PDCL2: variants seen among roughly 807,000 people sequenced by gnomAD.
PDCL2 encodes phosducin-like protein 2.
In PDCL2, 23 loss-of-function variants were observed where a neutral mutation model predicts 30.3. That is an observed-to-expected ratio of 0.76 (90% CI 0.55 to 1.08). PDCL2 has a LOEUF of 1.08. PDCL2 is among the 50% of genes least tolerant of loss of function. PDCL2 has a pLI of 0.00. For synonymous variants in PDCL2, 68 were observed against 86.2 expected (o/e 0.79, Z 1.17); for missense variants, 243 against 282.3 (o/e 0.86, Z 1.00).
chr4:55,557,192 C>T (rs1385299240), intron 5 of PDCL2, among the ~76,000 whole-genome samples: 1 of 152,206 alleles, frequency 6.6e-6, no homozygotes, highest in African/African-American at 2.4e-5. Flanking sequence ...TCAAAATACA[C>T]ATTGGATACA....
chr4:55,576,546 TG>T (rs1732573022), intron 3 of PDCL2, among the ~76,000 whole-genome samples: 1 of 152,226 alleles, frequency 6.6e-6, no homozygotes, highest in African/African-American at 2.4e-5. Context: ...TGTGTTTACA[TG>T]CTATTGACTC....
chr4:55,572,234 C>T (rs751281145), intron 3 of PDCL2, among the ~76,000 whole-genome samples: 14 of 151,094 alleles, frequency 9.3e-5, no homozygotes, highest in Non-Finnish European at 2.1e-4. Flanking sequence ...AAACAGAAGG[C>T]CCACTAGCTA....
At chr4:55,556,924 C>T (rs866728481) in intron 5 of PDCL2, among the ~76,000 whole-genome samples, 2 of 152,122 alleles carry the variant, frequency 1.3e-5, no homozygotes, top group African/African-American at 2.4e-5. Flanking sequence ...ACCTCCACCT[C>T]CCAGGTTCAA....
At position 55,562,631 on chromosome 4, in the gene PDCL2, C is replaced by T. The variant is rs1485724938; in HGVS notation, c.363-19G>A. 3 of 1,507,704 alleles carry T rather than the reference C, an allele frequency of 2.0e-6. No individual in the cohort carries two copies. Among genetic ancestry groups the T allele is most frequent in the South Asian group, 2.6e-5 (2 of 78,240 alleles). The allele number at this position is 1,507,704 out of a possible 1,614,324, so 93.4% of individuals were successfully genotyped here. On this transcript the variant is annotated intron_variant, in intron 4 of 5. Coordinates refer to ENST00000295645, the MANE Select transcript of PDCL2 (RefSeq NM_152401.3). ...TGGGATGCTAAAAAGAGAAACAGTA[C>T]ACACAATCTTTAATAAATGGGCTAC...
intron 5 of PDCL2, among the ~76,000 whole-genome samples, 176 bp from the exon 6 acceptor site, chr4:55,556,887 G>A (rs1471948775): frequency 2.0e-5 from 3 of 151,910 alleles, no homozygotes; most frequent in East Asian, 1.9e-4. Context: ...AGGCTAGAGT[G>A]CAGTGGCACA....
intron 4 of PDCL2, among the ~76,000 whole-genome samples, chr4:55,569,267 AC>A (rs1271203352): frequency 6.6e-6 from 1 of 152,044 alleles, no homozygotes. Context: ...GCTGAAGTAC[AC>A]AGGAATAAAT....
chr4:55,574,488 A>C (rs1732510222), intron 3 of PDCL2, among the ~76,000 whole-genome samples: 1 of 152,208 alleles, frequency 6.6e-6, no homozygotes, highest in Non-Finnish European at 1.5e-5. Flanking sequence ...CTGGAAGTAA[A>C]GGTTTCTGAG....
chr4:55,575,993 C>T (rs951446332), intron 3 of PDCL2, among the ~76,000 whole-genome samples: 16 of 151,968 alleles, frequency 1.1e-4, no homozygotes, highest in Admixed American at 4.6e-4. Flanking sequence ...CATGAAGAAA[C>T]GAGGAACATG....
At chr4:55,569,922 A>C in intron 3 of PDCL2, 61 bp from the exon 4 acceptor site, 15 of 1,223,764 alleles carry the variant, frequency 1.2e-5, no homozygotes, top group Non-Finnish European at 1.7e-5. Flanking sequence ...GGTCATTCTC[A>C]TATGTAATAA....
rs142084709 is a variant in PDCL2, at chr4:55,568,818, T to G, written c.362+900A>C. ...AAGCTCTAGATTCTTATCATTCCAGTGAGGCACCAGAGGAATCTATATAAC... is the reference window on the plus strand; with the variant it reads ...AAGCTCTAGATTCTTATCATTCCAGGGAGGCACCAGAGGAATCTATATAAC... On this transcript the variant is annotated intron_variant, in intron 4 of 5. Transcript: ENST00000295645. Among the ~76,000 whole-genome samples, 516 of 152,302 alleles carry G rather than the reference T, an allele frequency of 3.4e-3. 16 individuals carry two copies. Among genetic ancestry groups the G allele is most frequent in the Non-Finnish European group, 4.9e-4 (33 of 68,024 alleles).
chr4:55,578,866 G>A (rs929197679), intron 3 of PDCL2, among the ~76,000 whole-genome samples: 1 of 152,076 alleles, frequency 6.6e-6, no homozygotes, highest in Non-Finnish European at 1.5e-5. Flanking sequence ...TCCTGTTTGT[G>A]TTTAAACTTT....
intron 4 of PDCL2, among the ~76,000 whole-genome samples, chr4:55,565,860 ACT>A (rs1732249346): frequency 6.6e-6 from 1 of 151,256 alleles, no homozygotes; most frequent in African/African-American, 2.5e-5. Context: ...TGATAAATTG[ACT>A]CTATATGGGC....
chr4:55,577,807 G>A (rs1732608923), intron 3 of PDCL2, among the ~76,000 whole-genome samples: 1 of 151,944 alleles, frequency 6.6e-6, no homozygotes, highest in Non-Finnish European at 1.5e-5. Flanking sequence ...TCTTTGTCTA[G>A]TAAGTCTGAC....
intron 1 of PDCL2, among the ~76,000 whole-genome samples, chr4:55,585,459 C>T (rs1311806582): frequency 6.6e-6 from 1 of 151,934 alleles, no homozygotes; most frequent in Non-Finnish European, 1.5e-5. Context: ...ACCCGGGAGG[C>T]GGAGGTTGCA....
chr4:55,586,552 A>G (rs1464165101), intron 1 of PDCL2, among the ~76,000 whole-genome samples: 1 of 152,218 alleles, frequency 6.6e-6, no homozygotes, highest in Non-Finnish European at 1.5e-5. Flanking sequence ...TTGTACCTAT[A>G]TACCACATTT....
Position 55,556,859 on chromosome 4 carries a change from A to C in PDCL2, c.572-148T>G. 4 of 704,690 alleles carry C rather than the reference A, an allele frequency of 5.7e-6. No individual in the cohort carries two copies. In the South Asian group the frequency reaches 1.1e-4, roughly 19 times the overall value. 43.7% of individuals were successfully genotyped at this position (704,690 alleles called of 1,614,324 possible). A position where few individuals can be genotyped will look rare whatever the true frequency, so the allele number is the denominator to read the frequency against. On this transcript the variant is annotated intron_variant, in intron 5 of 5. Coordinates refer to ENST00000295645, the MANE Select transcript of PDCL2 (RefSeq NM_152401.3). ...GGTTTTTTTTTCTTTTTTGAGACAGAGTCTCCCTCTGTCACCCAGGCTAGA... is the reference window on the plus strand; with the variant it reads ...GGTTTTTTTTTCTTTTTTGAGACAGCGTCTCCCTCTGTCACCCAGGCTAGA...
chr4:55,572,905 G>A (rs1444341738), intron 3 of PDCL2, among the ~76,000 whole-genome samples: 1 of 151,956 alleles, frequency 6.6e-6, no homozygotes, highest in Non-Finnish European at 1.5e-5. Flanking sequence ...GACTACAGGC[G>A]CCCGCCATCA....
chr4:55,580,953 T>TC, intron 2 of PDCL2, 42 bp from the exon 3 acceptor site: 1 of 1,467,806 alleles, frequency 6.8e-7, no homozygotes, highest in Non-Finnish European at 9.2e-7. Flanking sequence ...TGTTTAAAAA[T>TC]TTTTTTACTA....
At chr4:55,575,651 A>G (rs1732546916) in intron 3 of PDCL2, among the ~76,000 whole-genome samples, 1 of 152,230 alleles carries the variant, frequency 6.6e-6, no homozygotes, top group African/African-American at 2.4e-5. Context: ...GCAAGAAGAG[A>G]CAATGAGAAT....
Sources: gnomAD v4.1 joint callset for allele counts (sites outside exome capture counted in the v4.1 genomes callset) on GRCh38, gnomAD v4.1.1 for gene constraint, MANE v1.5 for transcripts, NCBI Gene and HGNC (gene_info 2026-07-23, HGNC 2026-07-21) for gene names.